Variants in SORCS3 observed in about 807,000 individuals in gnomAD.
SORCS3 encodes the protein VPS10 domain-containing receptor SorCS3.
Under a neutral mutation model 146.3 loss-of-function variants are expected in SORCS3, and 57 were observed. The ratio of observed to expected loss-of-function variants is 0.39; its 90% CI spans 0.31 to 0.49. The LOEUF is 0.49. SORCS3 is among the 20% of genes least tolerant of loss of function. The pLI is 0.92. For synonymous variants in SORCS3, 653 were observed against 618.5 expected (o/e 1.06, Z -0.83); for missense variants, 1,341 against 1,575.5 (o/e 0.85, Z 2.52).
intron 1 of SORCS3, among the ~76,000 whole-genome samples, chr10:104,643,707 A>AG (rs374440023): frequency 8.4e-6 from 1 of 119,362 alleles, no homozygotes; most frequent in Non-Finnish European, 1.7e-5. Flanking sequence ...TTTGATAATT[A>AG]GGGTGTGTGT....
intron 1 of SORCS3, among the ~76,000 whole-genome samples, chr10:104,776,929 TGACAGGCA>T (rs933206284): frequency 7.0e-6 from 1 of 142,450 alleles, no homozygotes; most frequent in African/African-American, 2.6e-5. Flanking sequence ...TGTTATGTGA[TGACAGGCA>T]GACAGGCAGA....
chr10:105,230,178 T>G (rs1004134467), intron 20 of SORCS3, among the ~76,000 whole-genome samples: 1 of 151,986 alleles, frequency 6.6e-6, no homozygotes, highest in African/African-American at 2.4e-5. Context: ...CCCGAGACCC[T>G]TGTACTCTCA....
chr10:104,645,076 T>C (rs74155010), intron 1 of SORCS3, among the ~76,000 whole-genome samples: 2,351 of 152,252 alleles, frequency 0.015, 65 homozygotes, highest in African/African-American at 0.053. Flanking sequence ...GGAGTGCAAC[T>C]GGCTTTGGGC....
At position 105,078,305 on chromosome 10, in the gene SORCS3, G is replaced by A. The variant is rs376962605; in HGVS notation, c.1029-11470G>A. ...ATTTAAGAAATGCACAGGGAGGCAC[G>A]GTGCTAGGCACTAGAAGAAAATGCA... is the stretch of plus-strand genomic sequence containing the variant. On this transcript the variant is annotated intron_variant, in intron 5 of 26. Transcript: ENST00000369701. Among the ~76,000 whole-genome samples the A allele has an allele frequency of 5.9e-5, 9 of 152,144 alleles. No homozygotes were observed. The South Asian group carries it at 1.0e-3, about 18-fold the overall frequency.
intron 1 of SORCS3, among the ~76,000 whole-genome samples, chr10:104,654,239 A>C (rs1032647008): frequency 6.6e-6 from 1 of 152,192 alleles, no homozygotes; most frequent in African/African-American, 2.4e-5. Context: ...AATCTTGGCT[A>C]TTGTGAATAG....
chr10:104,898,991 C>T (rs1024605852), intron 2 of SORCS3, among the ~76,000 whole-genome samples: 1 of 152,204 alleles, frequency 6.6e-6, no homozygotes, highest in African/African-American at 2.4e-5. Flanking sequence ...CCCATTCCTA[C>T]ACTCACTTTA....
chr10:104,719,989 T>TA (rs1364760905), intron 1 of SORCS3, among the ~76,000 whole-genome samples: 4 of 145,212 alleles, frequency 2.8e-5, no homozygotes, highest in African/African-American at 4.9e-5. Context: ...TTTTTTTTTT[T>TA]TTATACTTTA....
intron 1 of SORCS3, among the ~76,000 whole-genome samples, chr10:104,693,445 C>T (rs1198828830): frequency 6.6e-6 from 1 of 152,166 alleles, no homozygotes; most frequent in Non-Finnish European, 1.5e-5. Context: ...ATTTATAAGC[C>T]AACATACTTT....
rs188167972 is a variant in SORCS3, at chr10:104,998,166, A to G, written c.954+20673A>G. On this transcript the variant is annotated intron_variant, in intron 4 of 26. Coordinates refer to ENST00000369701, the MANE Select transcript of SORCS3 (RefSeq NM_014978.3). ...ATCTCATAGTTTATTCCCAGTTGAA[A>G]GTAGACTTCCTTGAAAGAGACAGTG... Among the ~76,000 whole-genome samples, 233 of 152,324 alleles carry G rather than the reference A, an allele frequency of 1.5e-3. 1 individual carries two copies. The highest frequency in any genetic ancestry group is 5.5e-3 in the African/African-American group (229 of 41,582).
At chr10:105,170,599 A>G (rs997706569) in intron 13 of SORCS3, among the ~76,000 whole-genome samples, 1 of 152,226 alleles carries the variant, frequency 6.6e-6, no homozygotes, top group Non-Finnish European at 1.5e-5. Context: ...TAAATGCTAC[A>G]AATGTTTTCT....
At chr10:104,719,406 C>T (rs573197889) in intron 1 of SORCS3, among the ~76,000 whole-genome samples, 143 of 152,230 alleles carry the variant, frequency 9.4e-4, no homozygotes, top group African/African-American at 3.4e-3. Flanking sequence ...ATAAGTAATT[C>T]GAGAATGGAG....
At chr10:104,799,015 A>G (rs970651072) in intron 1 of SORCS3, among the ~76,000 whole-genome samples, 3 of 152,200 alleles carry the variant, frequency 2.0e-5, no homozygotes, top group Non-Finnish European at 4.4e-5. Flanking sequence ...GTCAGTTAGA[A>G]TGGCAATCAT....
rs766816102 is a variant in SORCS3 at position 105,263,400 on chromosome 10, CCTTT to C, written c.*29_*32del. The stretch of plus-strand genomic sequence containing the variant: ...TACCAGCAAGCCACGTGGTCAACCA[CCTTT>C]CTGACTTTTTATTTTTGATGATTAC... On this transcript the variant is annotated 3_prime_UTR_variant, in exon 27 of 27. Transcript: ENST00000369701. The C allele has an allele frequency of 3.1e-6, 5 of 1,607,618 alleles. No individual in the cohort carries two copies. In the Admixed American group the frequency reaches 6.7e-5, roughly 22 times the overall value.
At chr10:104,662,365 A>G (rs540689010) in intron 1 of SORCS3, among the ~76,000 whole-genome samples, 1 of 152,234 alleles carries the variant, frequency 6.6e-6, no homozygotes, top group South Asian at 2.1e-4. Context: ...ATCTTGTTTA[A>G]TCTTCATGGT....
At chr10:105,113,718 T>C (rs1230915013) in intron 7 of SORCS3, among the ~76,000 whole-genome samples, 1 of 152,178 alleles carries the variant, frequency 6.6e-6, no homozygotes, top group Non-Finnish European at 1.5e-5. Context: ...TCTCCTGCTG[T>C]TGGACAAGCT....
chr10:104,893,180 C>T (rs1383937381), intron 2 of SORCS3, among the ~76,000 whole-genome samples: 1 of 152,130 alleles, frequency 6.6e-6, no homozygotes, highest in Non-Finnish European at 1.5e-5. Context: ...GCCAGGACTT[C>T]GTTTGCTTTA....
intron 4 of SORCS3, among the ~76,000 whole-genome samples, chr10:105,016,157 T>A (rs12414520): frequency 0.13 from 7,356 of 56,992 alleles, 274 homozygotes; most frequent in Admixed American, 0.2. Flanking sequence ...ATATATATAT[T>A]TTTTTTTTTT....
At chr10:104,816,839 T>A (rs1398970791) in intron 1 of SORCS3, among the ~76,000 whole-genome samples, 1 of 152,224 alleles carries the variant, frequency 6.6e-6, no homozygotes, top group Non-Finnish European at 1.5e-5. Flanking sequence ...TTGGTGCTGC[T>A]TAGAGTGGTC....
At chr10:105,233,354 G>A (rs2056775397) in intron 20 of SORCS3, among the ~76,000 whole-genome samples, 1 of 150,194 alleles carries the variant, frequency 6.7e-6, no homozygotes, top group African/African-American at 2.4e-5. Flanking sequence ...TTGTTGGTAT[G>A]TTTATGTTGA....
Sources: allele counts gnomAD v4.1 joint callset (sites outside exome capture counted in the v4.1 genomes callset), GRCh38; gene constraint gnomAD v4.1.1; transcripts MANE v1.5; gene names NCBI Gene and HGNC (gene_info 2026-07-23, HGNC 2026-07-21).